DCDC2C: variants seen among roughly 807,000 people sequenced by gnomAD.
DCDC2C encodes the protein doublecortin domain containing 2C.
Under a neutral mutation model 45.0 loss-of-function variants are expected in DCDC2C, and 44 were observed. The ratio of observed to expected loss-of-function variants is 0.98; its 90% confidence interval spans 0.77 to 1.26. The LOEUF (loss-of-function observed/expected upper bound fraction) is 1.26, where lower values mean the gene tolerates loss of function less well. Among genes scored for constraint, DCDC2C ranks in the 50% most tolerant of loss-of-function variants. The pLI is 0.00. For synonymous variants in DCDC2C, 187 were observed against 178.8 expected (o/e 1.05, Z -0.37); for missense variants, 447 against 468.9 (o/e 0.95, Z 0.43).
At chr2:3,747,086 A>G (rs897738216) in intron 4 of DCDC2C, among the ~76,000 whole-genome samples, 4 of 152,168 alleles carry the variant, frequency 2.6e-5, no homozygotes, top group Admixed American at 6.5e-5. Flanking sequence ...TGGTGGCTAC[A>G]TGCAGAGTTT....
intron 7 of DCDC2C, 71 bp downstream of exon 7, chr2:3,767,951 T>A: frequency 2.2e-6 from 3 of 1,385,980 alleles, no homozygotes; most frequent in Non-Finnish European, 2.8e-6. Context: ...GATTTTTTTT[T>A]TTTCAGAGAA....
chr2:3,830,373 T>C (rs1671921305), intron 10 of DCDC2C, among the ~76,000 whole-genome samples: 1 of 152,138 alleles, frequency 6.6e-6, no homozygotes. Context: ...TGCCTAGTAC[T>C]GCAGTGTGGT....
intron 10 of DCDC2C, among the ~76,000 whole-genome samples, chr2:3,801,624 TAGCATC>T (rs1402883936): frequency 6.6e-6 from 1 of 152,266 alleles, no homozygotes; most frequent in African/African-American, 2.4e-5. Context: ...TGTGTCCACT[TAGCATC>T]AGAGTCTTGG....
intron 9 of DCDC2C, among the ~76,000 whole-genome samples, chr2:3,780,593 C>G (rs1474977176): frequency 6.6e-6 from 1 of 152,178 alleles, no homozygotes; most frequent in Non-Finnish European, 1.5e-5. Flanking sequence ...TAGGGACAGC[C>G]ATACCTTGGT....
intron 10 of DCDC2C, among the ~76,000 whole-genome samples, chr2:3,812,468 T>C (rs910943220): frequency 1.3e-5 from 2 of 152,182 alleles, no homozygotes; most frequent in Admixed American, 1.3e-4. Context: ...TTGATTCTCT[T>C]CTCTTGTCTT....
chr2:3,731,611 T>C (rs1668869574), intron 3 of DCDC2C, among the ~76,000 whole-genome samples: 1 of 152,214 alleles, frequency 6.6e-6, no homozygotes, highest in South Asian at 2.1e-4. Flanking sequence ...TTGCCTGATC[T>C]CTTTGCCAAA....
intron 10 of DCDC2C, among the ~76,000 whole-genome samples, chr2:3,789,269 T>G (rs73146833): frequency 0.23 from 34,371 of 152,062 alleles, 4,122 homozygotes; most frequent in African/African-American, 0.31. Context: ...AAACTCCACG[T>G]GGCATCCAGA....
At chr2:3,725,873 C>T (rs1335770262) in intron 2 of DCDC2C, 1 of 164,114 alleles carries the variant, frequency 6.1e-6, no homozygotes, top group Non-Finnish European at 1.3e-5. Flanking sequence ...CAGGTGGATC[C>T]TGGAGGGAGA....
At chr2:3,732,253 T>G (rs1180572034) in intron 3 of DCDC2C, among the ~76,000 whole-genome samples, 1 of 151,910 alleles carries the variant, frequency 6.6e-6, no homozygotes, top group Non-Finnish European at 1.5e-5. Flanking sequence ...GGGCTCTTGT[T>G]CCATGATCTC....
intron 10 of DCDC2C, among the ~76,000 whole-genome samples, chr2:3,832,139 C>T (rs538648940): frequency 6.6e-6 from 1 of 152,272 alleles, no homozygotes; most frequent in Non-Finnish European, 1.5e-5. Context: ...CAAACAATAT[C>T]GAAATCAAAA....
intron 10 of DCDC2C, among the ~76,000 whole-genome samples, chr2:3,831,050 C>T (rs17508302): frequency 0.018 from 2,746 of 152,032 alleles, 32 homozygotes; most frequent in Non-Finnish European, 0.027. Context: ...ATTTACTTGG[C>T]GACTTTCCTC....
chr2:3,788,575 G>C (rs1670716357), intron 10 of DCDC2C: 1 of 151,830 alleles, frequency 6.6e-6, no homozygotes, highest in Non-Finnish European at 1.5e-5. Flanking sequence ...TGTGCTATTA[G>C]TTAAAAAAAA....
intron 10 of DCDC2C, among the ~76,000 whole-genome samples, chr2:3,794,586 A>G (rs10170093): frequency 0.25 from 37,693 of 151,798 alleles, 5,361 homozygotes; most frequent in African/African-American, 0.39. Context: ...TCATTGCTCA[A>G]TTCCCACCTA....
chr2:3,838,207 T>C (rs1439770219), intron 10 of DCDC2C, among the ~76,000 whole-genome samples: 1 of 150,880 alleles, frequency 6.6e-6, no homozygotes, highest in Non-Finnish European at 1.5e-5. Flanking sequence ...GAGGGTGAAA[T>C]GGTGGCAGGG....
At chr2:3,816,595 G>A (rs1053920661) in intron 10 of DCDC2C, among the ~76,000 whole-genome samples, 6 of 152,198 alleles carry the variant, frequency 3.9e-5, no homozygotes, top group African/African-American at 1.4e-4. Context: ...GTACAGGGTG[G>A]CATAAGAATG....
At chr2:3,763,529 C>A (rs1669941274) in intron 6 of DCDC2C, among the ~76,000 whole-genome samples, 1 of 152,196 alleles carries the variant, frequency 6.6e-6, no homozygotes, top group Admixed American at 6.5e-5. Flanking sequence ...TCTGTGTCAC[C>A]AATGCAAGAG....
chr2:3,751,191 G>C (rs1188352992), intron 4 of DCDC2C, among the ~76,000 whole-genome samples: 2 of 152,092 alleles, frequency 1.3e-5, no homozygotes, highest in African/African-American at 2.4e-5. Flanking sequence ...TTTGGCCCCC[G>C]GGAGCAGTTG....
intron 8 of DCDC2C, among the ~76,000 whole-genome samples, chr2:3,772,147 C>T (rs1188628811): frequency 6.6e-6 from 1 of 152,176 alleles, no homozygotes; most frequent in Non-Finnish European, 1.5e-5. Flanking sequence ...GGAGTCAAGC[C>T]TTCTAGGTTG....
chr2:3,784,973 CAGAGT>C, intron 9 of DCDC2C, 81 bp from the exon 10 acceptor site: 1 of 997,198 alleles, frequency 1.0e-6, no homozygotes, highest in Middle Eastern at 3.7e-4. Context: ...CCCTGAGAGG[CAGAGT>C]AGAGGTGGGG....
Sources: allele counts gnomAD v4.1 joint callset (sites outside exome capture counted in the v4.1 genomes callset), GRCh38; gene constraint gnomAD v4.1.1; transcripts MANE v1.5; gene names NCBI Gene and HGNC (gene_info 2026-07-23, HGNC 2026-07-21).